Variants in NEK11 observed in about 807,000 individuals in gnomAD.
NEK11 encodes the protein serine/threonine-protein kinase Nek11.
In NEK11, 72 loss-of-function variants were observed where a neutral mutation model predicts 80.7. The observed-to-expected ratio is 0.89, with a 90% confidence interval of 0.74 to 1.08. The LOEUF (loss-of-function observed/expected upper bound fraction) is 1.08, where lower values mean the gene tolerates loss of function less well. Ranked by LOEUF, NEK11 falls within the 50% of genes least tolerant of loss-of-function variation. NEK11 has a pLI of 0.00. For missense variants in NEK11, 764 were observed against 763.6 expected, an observed-to-expected ratio of 1.00 and a Z score of -0.01; for synonymous variants, 251 against 260.7, an observed-to-expected ratio of 0.96 and a Z score of 0.36.
chr3:131,057,634 G>A (rs2069836450), intron 3 of NEK11, among the ~76,000 whole-genome samples: 1 of 152,064 alleles, frequency 6.6e-6, no homozygotes, highest in Non-Finnish European at 1.5e-5. Flanking sequence ...TTCTCTGATG[G>A]CCAGTGATGG....
chr3:131,193,072 T>A (rs1264526826), intron 14 of NEK11, among the ~76,000 whole-genome samples: 3 of 152,140 alleles, frequency 2.0e-5, no homozygotes, highest in South Asian at 2.1e-4. Context: ...TTAAAAATAG[T>A]CACTTAAAAA....
intron 14 of NEK11, among the ~76,000 whole-genome samples, chr3:131,195,728 C>A (rs560624739): frequency 6.7e-6 from 1 of 150,056 alleles, no homozygotes; most frequent in East Asian, 2.0e-4. Context: ...TCCTTTATAG[C>A]ACCTTTGTCA....
At chr3:131,125,463 G>GA (rs1237628099) in intron 5 of NEK11, among the ~76,000 whole-genome samples, 1 of 152,084 alleles carries the variant, frequency 6.6e-6, no homozygotes, top group Non-Finnish European at 1.5e-5. Flanking sequence ...TTTACTGAGA[G>GA]AGATATTTCC....
intron 15 of NEK11, among the ~76,000 whole-genome samples, chr3:131,242,575 G>A (rs984875551): frequency 5.9e-5 from 9 of 152,160 alleles, no homozygotes; most frequent in East Asian, 3.9e-4. Flanking sequence ...TCTTTGCTAC[G>A]CCCGGCTGAT....
intron 14 of NEK11, among the ~76,000 whole-genome samples, chr3:131,194,614 A>G (rs892003964): frequency 6.6e-6 from 1 of 152,016 alleles, no homozygotes; most frequent in Non-Finnish European, 1.5e-5. Flanking sequence ...TTTATATTTT[A>G]TAATTAAATA....
intron 14 of NEK11, among the ~76,000 whole-genome samples, chr3:131,205,736 A>G (rs1362900710): frequency 1.3e-5 from 2 of 152,220 alleles, no homozygotes; most frequent in Non-Finnish European, 2.9e-5. Context: ...AGCCAAAGTT[A>G]GGCCTTGTGG....
intron 4 of NEK11, among the ~76,000 whole-genome samples, chr3:131,091,241 C>T (rs1305793643): frequency 1.3e-5 from 2 of 152,206 alleles, no homozygotes; most frequent in Non-Finnish European, 2.9e-5. Context: ...ATGCTAAAAA[C>T]AGATATCTTT....
intron 5 of NEK11, among the ~76,000 whole-genome samples, chr3:131,132,336 T>C (rs2084643407): frequency 6.6e-6 from 1 of 152,036 alleles, no homozygotes; most frequent in Non-Finnish European, 1.5e-5. Flanking sequence ...TACCTATTCT[T>C]AAATATCATC....
chr3:131,290,582 A>C (rs1267651940), intron 17 of NEK11, among the ~76,000 whole-genome samples: 1 of 152,100 alleles, frequency 6.6e-6, no homozygotes, highest in Non-Finnish European at 1.5e-5. Context: ...TTGACTAGAC[A>C]ATTGTCAATT....
intron 14 of NEK11, among the ~76,000 whole-genome samples, chr3:131,201,212 C>CAT (rs371650500): frequency 0.017 from 2,425 of 145,708 alleles, 49 homozygotes; most frequent in African/African-American, 0.052. Context: ...TATATACTTT[C>CAT]ATATATATAT....
intron 4 of NEK11, among the ~76,000 whole-genome samples, chr3:131,102,389 A>C (rs2078507605): frequency 6.6e-6 from 1 of 152,156 alleles, no homozygotes; most frequent in African/African-American, 2.4e-5. Context: ...GAATTCCCTC[A>C]GCATCTGCTT....
chr3:131,231,862 G>A (rs928988704), intron 15 of NEK11, among the ~76,000 whole-genome samples: 8 of 151,982 alleles, frequency 5.3e-5, no homozygotes, highest in African/African-American at 1.9e-4. Context: ...TCACACAAAT[G>A]CCTTCTATGT....
At chr3:131,342,921 A>G (rs185006969) in intron 17 of NEK11, among the ~76,000 whole-genome samples, 6 of 152,338 alleles carry the variant, frequency 3.9e-5, no homozygotes, top group Admixed American at 2.0e-4. Flanking sequence ...ATTTTTAAAA[A>G]AGAAAAAATA....
chr3:131,310,410 G>T (rs540218766), intron 17 of NEK11, among the ~76,000 whole-genome samples: 1 of 152,136 alleles, frequency 6.6e-6, no homozygotes, highest in Non-Finnish European at 1.5e-5. Context: ...TGATTAATAC[G>T]AGGTGATTAC....
At chr3:131,078,620 A>G (rs924203582) in intron 3 of NEK11, among the ~76,000 whole-genome samples, 1 of 152,198 alleles carries the variant, frequency 6.6e-6, no homozygotes, top group Non-Finnish European at 1.5e-5. Flanking sequence ...CGGTTCTTCC[A>G]TTGTAAAACA....
intron 14 of NEK11, among the ~76,000 whole-genome samples, chr3:131,191,195 C>G (rs1009781537): frequency 1.2e-4 from 19 of 152,030 alleles, no homozygotes; most frequent in Non-Finnish European, 2.6e-4. Flanking sequence ...TTCTCATTGC[C>G]GCTATAACAA....
chr3:131,046,662 A>C (rs1269438590), intron 3 of NEK11, among the ~76,000 whole-genome samples: 1 of 151,670 alleles, frequency 6.6e-6, no homozygotes. Context: ...TACATTTGCC[A>C]TGTTGGTTTG....
intron 16 of NEK11, among the ~76,000 whole-genome samples, chr3:131,245,507 G>A (rs2095587412): frequency 6.6e-6 from 1 of 152,002 alleles, no homozygotes; most frequent in African/African-American, 2.4e-5. Context: ...AGTTCTTTGA[G>A]CAATCTCCAT....
chr3:131,230,707 C>T (rs1384048600), intron 15 of NEK11, among the ~76,000 whole-genome samples: 1 of 152,110 alleles, frequency 6.6e-6, no homozygotes, highest in Non-Finnish European at 1.5e-5. Flanking sequence ...ATATCTATCA[C>T]ATGTTACATG....
Sources: gnomAD v4.1 joint callset for allele counts (sites outside exome capture counted in the v4.1 genomes callset) on GRCh38, gnomAD v4.1.1 for gene constraint, MANE v1.5 for transcripts, NCBI Gene and HGNC (gene_info 2026-07-23, HGNC 2026-07-21) for gene names.